INSL5: variants seen among roughly 807,000 people sequenced by gnomAD.
INSL5 encodes insulin-like peptide INSL5.
A neutral mutation model predicts 4.3 loss-of-function variants in INSL5; 3 were observed. The ratio of observed to expected loss-of-function variants is 0.70; its 90% CI spans 0.32 to 1.82. The LOEUF (loss-of-function observed/expected upper bound fraction) is 1.82. Ranked by LOEUF, INSL5 falls within the 40% of genes most tolerant of loss-of-function variation. The pLI is 0.08. For synonymous variants in INSL5, 68 were observed against 56.6 expected, an observed-to-expected ratio of 1.20 and a Z score of -0.90; for missense variants, 168 against 160.9, an observed-to-expected ratio of 1.04 and a Z score of -0.24.
chr1:66,801,090 G>T lies in INSL5; in HGVS notation c.132C>A (p.Ser44=). ...IRTVIYICAS[S]RWRRHQEGIP... is the part of the protein sequence containing the mutation. ...TCCCCTCCTGATGCCTTCTCCACCTGGAGCTAGCACAGATATAGATGACTG... is the reference window on the plus strand; with the variant it reads ...TCCCCTCCTGATGCCTTCTCCACCTTGAGCTAGCACAGATATAGATGACTG... The change falls in exon 1 of 2, where the codon TCC becomes TCA. Residue 44 remains serine, a synonymous_variant. Coordinates refer to ENST00000304526, the MANE Select transcript of INSL5 (RefSeq NM_005478.6). 1 of 1,613,618 alleles carries T rather than the reference G, an allele frequency of 6.2e-7. No individual in the cohort carries two copies. The highest frequency in any genetic ancestry group is 1.1e-5 in the South Asian group (1 of 91,012).
rs1645353583 is a variant in INSL5 at position 66,798,030 on chromosome 1, A to T, written c.391T>A (p.Leu131Met). ...CTCTTGTCTTAGCAAAGAGCACTCA[A>T]ATCAGTCATGGAACAGCCATCAGTG... ...CCTDGCSMTD[L>M]SALC Residue 131 changes from leucine (L) to methionine (M), a missense_variant, in exon 2 of 2, where the codon TTG becomes ATG. Physicochemically the swap from Leu to Met is conservative, Grantham distance 15. Transcript: ENST00000304526. The T allele has an allele frequency of 6.2e-7, 1 of 1,613,284 alleles. No homozygotes were observed. The highest frequency in any genetic ancestry group is 1.7e-5 in the Admixed American group (1 of 59,930).
At chr1:66,800,728 G>A (rs933861142) in intron 1 of INSL5, among the ~76,000 whole-genome samples, 5 of 152,068 alleles carry the variant, frequency 3.3e-5, no homozygotes, top group African/African-American at 9.7e-5. Context: ...ACTTCAACAC[G>A]CTCCTTGAAA....
Position 66,801,132 on chromosome 1 carries a change from C to T in INSL5, c.90G>A (p.Gly30=). 1.9e-6 allele frequency: 3 copies of T among 1,612,766 alleles called. No individual in the cohort carries two copies. The highest frequency in any genetic ancestry group is 4.5e-5 in the East Asian group (2 of 44,868). Residue 30 remains glycine, a synonymous_variant, in exon 1 of 2, where the codon GGG becomes GGA. Coordinates refer to ENST00000304526, the MANE Select transcript of INSL5 (RefSeq NM_005478.6). ...VRSKESVRLC[G]LEYIRTVIYI... is the part of the protein sequence containing the mutation. Reference sequence around the variant, plus strand: ...AGATGACTGTCCGTATGTATTCTAGCCCACAGAGTCTCACAGACTCCTTGC... The same window carrying T: ...AGATGACTGTCCGTATGTATTCTAGTCCACAGAGTCTCACAGACTCCTTGC...
At chr1:66,798,304 A>G in intron 1 of INSL5, 59 bp from the exon 2 acceptor site, 1 of 1,093,028 alleles carries the variant, frequency 9.1e-7, no homozygotes, top group East Asian at 2.4e-5. Context: ...GAAGGCAGCA[A>G]CCACATTCCA....
chr1:66,800,591 A>C (rs150434458), intron 1 of INSL5, among the ~76,000 whole-genome samples: 16 of 152,260 alleles, frequency 1.1e-4, no homozygotes, highest in African/African-American at 3.9e-4. Flanking sequence ...GAAATGTTGC[A>C]CATGTAACTT....
At chr1:66,799,252 G>A (rs975790040) in intron 1 of INSL5, among the ~76,000 whole-genome samples, 3 of 152,026 alleles carry the variant, frequency 2.0e-5, no homozygotes, top group African/African-American at 7.3e-5. Context: ...ACATATAGTC[G>A]CAACATTTAT....
chr1:66,799,431 G>A (rs1645360824), intron 1 of INSL5, among the ~76,000 whole-genome samples: 2 of 152,232 alleles, frequency 1.3e-5, no homozygotes, highest in South Asian at 2.1e-4. Flanking sequence ...GGAGAACGAT[G>A]GTTATCAGAG....
At chr1:66,800,902 G>A (rs903114504) in intron 1 of INSL5, 145 bp downstream of exon 1, 2 of 568,784 alleles carry the variant, frequency 3.5e-6, no homozygotes, top group Non-Finnish European at 5.9e-6. Context: ...AGTATATTTT[G>A]ATAATTAATC....
intron 1 of INSL5, among the ~76,000 whole-genome samples, chr1:66,800,705 T>A (rs1645369105): frequency 1.3e-5 from 2 of 152,132 alleles, no homozygotes; most frequent in Non-Finnish European, 2.9e-5. Context: ...TATTCATGAG[T>A]GAAAGTCTTG....
At chr1:66,799,325 T>A (rs1179103715) in intron 1 of INSL5, among the ~76,000 whole-genome samples, 1 of 152,188 alleles carries the variant, frequency 6.6e-6, no homozygotes, top group African/African-American at 2.4e-5. Context: ...CAACCAATTA[T>A]TAAAATACAC....
In INSL5 at chr1:66,798,051, C is replaced by T. The variant is rs1203113941; in HGVS notation, c.370G>A (p.Asp124Asn). Residue 124 changes from aspartate to asparagine, a missense_variant, in exon 2 of 2, where the codon GAT becomes AAT. Physicochemically the swap from Asp to Asn is conservative, Grantham distance 23 (BLOSUM62 1). Transcript: ENST00000304526. The stretch of plus-strand genomic sequence containing the variant: ...CTCAAATCAGTCATGGAACAGCCAT[C>T]AGTGCAACACAAAGTTTGTAAATCT... ...RQDLQTLCCT[D>N]GCSMTDLSAL... The T allele has an allele frequency of 6.2e-7, 1 of 1,614,054 alleles. No homozygotes were observed. The highest frequency in any genetic ancestry group is 8.5e-7 in the Non-Finnish European group (1 of 1,179,952).
chr1:66,800,997 A>G, intron 1 of INSL5, 50 bp downstream of exon 1: 3 of 1,363,692 alleles, frequency 2.2e-6, no homozygotes, highest in Non-Finnish European at 3.0e-6. Context: ...TTGAAAAAAT[A>G]AAAGAGACAT....
chr1:66,799,808 G>A (rs1645363013), intron 1 of INSL5, among the ~76,000 whole-genome samples: 1 of 152,150 alleles, frequency 6.6e-6, no homozygotes, highest in African/African-American at 2.4e-5. Flanking sequence ...CCAGTGCTCT[G>A]GGAGGCCGAG....
chr1:66,798,165 C>T lies in INSL5; in HGVS notation c.256G>A (p.Asp86Asn). ...CAAAGACGGTCTTCCCCTGAGGCAT[C>T]CACCTTCGGAAGGTTTTGCGCTGGA... is the stretch of plus-strand genomic sequence containing the variant. ...ENPAQNLPKV[D>N]ASGEDRLWGG... Residue 86 changes from aspartate to asparagine, a missense_variant, in exon 2 of 2, where the codon GAT becomes AAT. Physicochemically the swap from Asp to Asn is conservative, Grantham distance 23. Coordinates refer to ENST00000304526, the MANE Select transcript of INSL5 (RefSeq NM_005478.6). 6.2e-7 allele frequency: 1 copy of T among 1,614,148 alleles called. No individual in the cohort carries two copies. Among genetic ancestry groups the T allele is most frequent in the Middle Eastern group, 1.7e-4 (1 of 6,060 alleles).
At chr1:66,800,171 G>T (rs1037449193) in intron 1 of INSL5, among the ~76,000 whole-genome samples, 2 of 152,086 alleles carry the variant, frequency 1.3e-5, no homozygotes, top group Non-Finnish European at 2.9e-5. Context: ...GAATAATAAA[G>T]AAATATAGTG....
intron 1 of INSL5, 35 bp from the exon 2 acceptor site, chr1:66,798,280 A>G: frequency 6.8e-7 from 1 of 1,470,306 alleles, no homozygotes; most frequent in Admixed American, 1.7e-5. Flanking sequence ...ACATCCTTAG[A>G]CAGCTCCTAC....
chr1:66,800,927 A>T (rs1645371729), intron 1 of INSL5, 120 bp downstream of exon 1: 3 of 680,490 alleles, frequency 4.4e-6, no homozygotes, highest in African/African-American at 1.8e-5. Context: ...AAATTGACAT[A>T]AAAAATGCCT....
At position 66,798,149 on chromosome 1, in the gene INSL5, TC is replaced by T. The variant is rs749290523; in HGVS notation, c.271del (p.Asp91ThrfsTer21). 1 of 1,614,142 alleles carries T rather than the reference TC, an allele frequency of 6.2e-7. No homozygotes were observed. The highest frequency in any genetic ancestry group is 8.5e-7 in the Non-Finnish European group (1 of 1,180,020). ...NLPKVDASGE[D>X]RLWGGQMPTE... ...GGGCATCTGTCCACCCCAAAGACGG[TC>T]TTCCCCTGAGGCATCCACCTTCGGA... is the stretch of plus-strand genomic sequence containing the variant. On this transcript the variant is annotated frameshift_variant, in exon 2 of 2. Transcript: ENST00000304526. LOFTEE classifies it low-confidence loss of function (END_TRUNC).
Position 66,797,961 on chromosome 1 carries a change from G to T in INSL5, c.*52C>A. On this transcript the variant is annotated 3_prime_UTR_variant, in exon 2 of 2. Transcript: ENST00000304526. ...GTGTTCTACCAGGCAGTAAAACACT[G>T]TAATTAAACATGTGATAAAGCTCTG... 2.4e-6 allele frequency: 3 copies of T among 1,256,968 alleles called. No homozygotes were observed. The highest frequency in any genetic ancestry group is 3.5e-6 in the Non-Finnish European group (3 of 862,656). 77.9% of individuals were successfully genotyped at this position (1,256,968 alleles called of 1,614,324 possible).
Sources: allele counts gnomAD v4.1 joint callset (sites outside exome capture counted in the v4.1 genomes callset), GRCh38; gene constraint gnomAD v4.1.1; transcripts MANE v1.5; gene names NCBI Gene and HGNC (gene_info 2026-07-23, HGNC 2026-07-21).